Variants in CDKAL1 observed in about 807,000 individuals in gnomAD.
CDKAL1 encodes the protein CDKAL1 threonylcarbamoyladenosine tRNA methylthiotransferase, also known as threonylcarbamoyladenosine tRNA methylthiotransferase.
A neutral mutation model predicts 68.2 loss-of-function variants in CDKAL1; 32 were observed. That is an observed-to-expected ratio of 0.47 (90% CI 0.35 to 0.63). The LOEUF (loss-of-function observed/expected upper bound fraction) is 0.63, where lower values mean the gene tolerates loss of function less well. CDKAL1 is among the 30% of genes least tolerant of loss of function. The probability of loss-of-function intolerance (pLI) is 0.00; values close to 1 mark genes in which losing one functional copy is unlikely to be tolerated. For synonymous variants in CDKAL1, 234 were observed against 244.3 expected, an observed-to-expected ratio of 0.96 and a Z score of 0.39; for missense variants, 606 against 696.7, an observed-to-expected ratio of 0.87 and a Z score of 1.47.
intron 5 of CDKAL1, among the ~76,000 whole-genome samples, chr6:20,692,335 A>T (rs541321433): frequency 3.3e-5 from 5 of 152,330 alleles, no homozygotes; most frequent in Admixed American, 6.5e-5. Context: ...GGAATTTTAT[A>T]ACTGTTTTAG....
intron 11 of CDKAL1, among the ~76,000 whole-genome samples, chr6:21,039,717 A>G (rs1769805384): frequency 6.6e-6 from 1 of 152,244 alleles, no homozygotes; most frequent in Admixed American, 6.5e-5. Context: ...TCAGAACAGT[A>G]TCATGCCTGT....
chr6:21,100,961 T>G (rs1177629570), intron 12 of CDKAL1, among the ~76,000 whole-genome samples: 1 of 152,186 alleles, frequency 6.6e-6, no homozygotes, highest in African/African-American at 2.4e-5. Flanking sequence ...GTGTATTAAG[T>G]TAGCTTTCCA....
chr6:20,781,033 G>A lies in CDKAL1; in HGVS notation c.518-112G>A, dbSNP rs1056488752. The A allele has an allele frequency of 5.7e-6, 6 of 1,061,414 alleles. No homozygotes were observed. The South Asian group carries it at 6.5e-5, about 11-fold the overall frequency. The allele number at this position is 1,061,414 out of a possible 1,614,324, so 65.7% of individuals were successfully genotyped here. On this transcript the variant is annotated intron_variant, in intron 7 of 15. Coordinates refer to ENST00000274695, the MANE Select transcript of CDKAL1 (RefSeq NM_017774.3). ...AAATGATCACACTTCACTCTTCTATGTTGTTTCCCCTGCTCCCGAAAAGAA... is the reference window on the plus strand; with the variant it reads ...AAATGATCACACTTCACTCTTCTATATTGTTTCCCCTGCTCCCGAAAAGAA...
At chr6:20,721,945 C>T (rs543213882) in intron 5 of CDKAL1, among the ~76,000 whole-genome samples, 12 of 152,102 alleles carry the variant, frequency 7.9e-5, no homozygotes, top group African/African-American at 2.9e-4. Context: ...TTTGGCCAGA[C>T]TGGTCTCAAA....
intron 11 of CDKAL1, among the ~76,000 whole-genome samples, chr6:21,003,367 T>TACACACACACACACACAC (rs1483081425): frequency 7.2e-4 from 47 of 65,644 alleles, no homozygotes; most frequent in African/African-American, 3.8e-3. Flanking sequence ...TATATATATA[T>TACACACACACACACACAC]ATATACACAC....
chr6:21,016,140 G>GTA (rs1221191591), intron 11 of CDKAL1, among the ~76,000 whole-genome samples: 6 of 139,856 alleles, frequency 4.3e-5, no homozygotes, highest in South Asian at 2.4e-4. Flanking sequence ...ATATATATGT[G>GTA]TATATATATG....
Position 21,231,030 on chromosome 6 carries a change from C to G in CDKAL1, c.1731C>G (p.Val577=). The G allele has an allele frequency of 6.3e-7, 1 of 1,598,912 alleles. No individual in the cohort carries two copies. The highest frequency in any genetic ancestry group is 8.5e-7 in the Non-Finnish European group (1 of 1,169,906). The change falls in exon 16 of 16, where the codon GTC becomes GTG. Residue 577 remains valine, a synonymous_variant. Coordinates refer to ENST00000274695, the MANE Select transcript of CDKAL1 (RefSeq NM_017774.3). Reference sequence around the variant, plus strand: ...TTCTTTTTGCTTTTTTTGTCAAGGTCTATAATTAGAATACAACTAATGGAA... The same window carrying G: ...TTCTTTTTGCTTTTTTTGTCAAGGTGTATAATTAGAATACAACTAATGGAA... The part of the protein sequence containing the change: ...LGLLFAFFVK[V]YN
intron 13 of CDKAL1, among the ~76,000 whole-genome samples, chr6:21,163,984 G>A (rs1402758283): frequency 6.6e-6 from 1 of 151,774 alleles, no homozygotes; most frequent in African/African-American, 2.4e-5. Flanking sequence ...AAGAAATAAT[G>A]TGTCTATTTT....
chr6:20,848,751 A>T (rs1164600951), intron 9 of CDKAL1, among the ~76,000 whole-genome samples: 1 of 151,006 alleles, frequency 6.6e-6, no homozygotes, highest in Non-Finnish European at 1.5e-5. Context: ...GAGATAATCC[A>T]GTGTGTTCAG....
intron 7 of CDKAL1, chr6:20,773,042 C>G (rs1468232985): frequency 6.6e-6 from 1 of 152,144 alleles, no homozygotes; most frequent in Non-Finnish European, 1.5e-5. Flanking sequence ...CTGTCATTAA[C>G]AAACTCTTCA....
chr6:20,752,482 C>T (rs1165730200), intron 6 of CDKAL1, among the ~76,000 whole-genome samples: 3 of 152,070 alleles, frequency 2.0e-5, no homozygotes, highest in African/African-American at 7.2e-5. Flanking sequence ...CTTCTATGTG[C>T]ATGCACACAT....
At chr6:20,636,721 A>G (rs567605927) in intron 4 of CDKAL1, among the ~76,000 whole-genome samples, 1 of 152,146 alleles carries the variant, frequency 6.6e-6, no homozygotes, top group Admixed American at 6.5e-5. Flanking sequence ...GGCCAGGGAG[A>G]GTGATGCTGT....
chr6:20,756,852 TCC>T (rs1561749971), intron 6 of CDKAL1: 7 of 57,556 alleles, frequency 1.2e-4, no homozygotes, highest in Non-Finnish European at 2.1e-4. Context: ...TCCTTCCTTC[TCC>T]CCTTCCTTCC....
At chr6:20,652,999 A>T (rs1454820756) in intron 5 of CDKAL1, among the ~76,000 whole-genome samples, 1 of 152,086 alleles carries the variant, frequency 6.6e-6, no homozygotes, top group Non-Finnish European at 1.5e-5. Context: ...TTATCTGTTG[A>T]ACTTATACTG....
At chr6:20,814,922 G>A (rs942756727) in intron 8 of CDKAL1, among the ~76,000 whole-genome samples, 4 of 152,118 alleles carry the variant, frequency 2.6e-5, no homozygotes, top group African/African-American at 9.7e-5. Context: ...AGGCTGCCAT[G>A]CTTTCTTGGG....
intron 4 of CDKAL1, among the ~76,000 whole-genome samples, chr6:20,638,782 C>G (rs1030372903): frequency 7.2e-6 from 1 of 138,648 alleles, no homozygotes; most frequent in African/African-American, 2.7e-5. Context: ...TACAAACACG[C>G]GCCACCATGC....
At chr6:20,887,977 C>CT (rs1160041374) in intron 9 of CDKAL1, among the ~76,000 whole-genome samples, 1 of 150,736 alleles carries the variant, frequency 6.6e-6, no homozygotes, top group African/African-American at 2.4e-5. Context: ...AACATAATTT[C>CT]TTTTTTTTTA....
chr6:20,933,711 A>G (rs1434609777), intron 9 of CDKAL1, among the ~76,000 whole-genome samples: 1 of 152,228 alleles, frequency 6.6e-6, no homozygotes, highest in African/African-American at 2.4e-5. Context: ...ATATAATTAC[A>G]CCGTCCTTAT....
At chr6:20,665,863 G>A (rs190854402) in intron 5 of CDKAL1, among the ~76,000 whole-genome samples, 1 of 152,008 alleles carries the variant, frequency 6.6e-6, no homozygotes, top group Non-Finnish European at 1.5e-5. Flanking sequence ...ACTCATGCAG[G>A]TCGTGTGGAA....
Sources: gnomAD v4.1 joint callset for allele counts (sites outside exome capture counted in the v4.1 genomes callset) on GRCh38, gnomAD v4.1.1 for gene constraint, MANE v1.5 for transcripts, NCBI Gene and HGNC (gene_info 2026-07-23, HGNC 2026-07-21) for gene names.